The following ASAH2 variants were observed in gnomAD, a reference collection of about 807,000 sequenced individuals.
ASAH2 encodes the protein neutral ceramidase.
A neutral mutation model predicts 82.9 loss-of-function variants in ASAH2; 58 were observed. The observed-to-expected ratio is 0.70, with a 90% CI of 0.57 to 0.87. The LOEUF is 0.87. Among genes scored for constraint, ASAH2 ranks in the 40% least tolerant of loss-of-function variants. The pLI is 0.00. For missense variants in ASAH2, 779 were observed against 834.0 expected (o/e 0.93, Z 0.81); for synonymous variants, 276 against 289.7 (o/e 0.95, Z 0.48).
intron 18 of ASAH2, among the ~76,000 whole-genome samples, chr10:50,194,761 C>G (rs1844930428): frequency 6.6e-6 from 1 of 151,386 alleles, no homozygotes; most frequent in Non-Finnish European, 1.5e-5. Context: ...TAAGCCCGCA[C>G]ATTTATGATA....
At position 50,243,431 on chromosome 10, in the gene ASAH2, C is replaced by A. The variant is rs73321904; in HGVS notation, c.361-80G>T. ...ACCAGGCACAAACATACAATATAGACGACTGCAGAAAAACAAAGAAAAACA... is the reference window on the plus strand; with the variant it reads ...ACCAGGCACAAACATACAATATAGAAGACTGCAGAAAAACAAAGAAAAACA... On this transcript the variant is annotated intron_variant, in intron 3 of 20. Coordinates refer to ENST00000682911, the MANE Select transcript of ASAH2 (RefSeq NM_019893.4). The A allele has an allele frequency of 4.2e-6, 6 of 1,440,304 alleles. No homozygotes were observed. The East Asian group carries it at 9.6e-5, about 23-fold the overall frequency. The allele number at this position is 1,440,304 out of a possible 1,614,324, so 89.2% of individuals were successfully genotyped here.
At chr10:50,224,749 C>T (rs953226150) in intron 7 of ASAH2, among the ~76,000 whole-genome samples, 31 of 152,112 alleles carry the variant, frequency 2.0e-4, no homozygotes, top group Non-Finnish European at 3.2e-4. Flanking sequence ...ACCTTCACAC[C>T]CTCGTTTTCA....
At chr10:50,206,199 A>C in intron 12 of ASAH2, 102 bp from the exon 13 acceptor site, 1 of 899,640 alleles carries the variant, frequency 1.1e-6, no homozygotes. Flanking sequence ...GGAGTTTCAG[A>C]GATTTTATTG....
chr10:50,221,504 C>A (rs1266811888), intron 7 of ASAH2, among the ~76,000 whole-genome samples: 5 of 152,140 alleles, frequency 3.3e-5, no homozygotes, highest in African/African-American at 1.2e-4. Context: ...CACAGGGAAC[C>A]CTTTGAGTCA....
At chr10:50,246,730 A>G (rs912478531) in intron 2 of ASAH2, among the ~76,000 whole-genome samples, 2 of 152,184 alleles carry the variant, frequency 1.3e-5, no homozygotes, top group African/African-American at 4.8e-5. Flanking sequence ...ACCAAATTCT[A>G]GGTGGAGTTA....
At chr10:50,224,639 C>T (rs1845834693) in intron 7 of ASAH2, among the ~76,000 whole-genome samples, 1 of 152,162 alleles carries the variant, frequency 6.6e-6, no homozygotes, top group Non-Finnish European at 1.5e-5. Flanking sequence ...AGAAGGACTA[C>T]CCAATCTTCA....
In ASAH2 at chr10:50,214,743, C is replaced by A; in HGVS notation, c.1140G>T (p.Gly380=). 6.2e-7 allele frequency: 1 copy of A among 1,613,594 alleles called. No homozygotes were observed. Among genetic ancestry groups the A allele is most frequent in the Non-Finnish European group, 8.5e-7 (1 of 1,179,636 alleles). ...GATTTCATGTGTCATAATTACCTAC[C>A]CCACCAATGGGACAAGTGCTATTGG... ...DNANSTCPIG[G]PSMCIAKGPG... The change falls in exon 9 of 21, where the codon GGG becomes GGT. Residue 380 remains glycine, a splice_region_variant and synonymous_variant. Coordinates refer to ENST00000682911, the MANE Select transcript of ASAH2 (RefSeq NM_019893.4).
chr10:50,245,560 T>C, intron 2 of ASAH2, 106 bp from the exon 3 acceptor site: 3 of 955,510 alleles, frequency 3.1e-6, no homozygotes, highest in Non-Finnish European at 4.6e-6. Flanking sequence ...AAACTCTTTA[T>C]ATATTTTCTT....
At chr10:50,221,168 G>C (rs1171997767) in intron 7 of ASAH2, among the ~76,000 whole-genome samples, 1 of 152,086 alleles carries the variant, frequency 6.6e-6, no homozygotes, top group African/African-American at 2.4e-5. Flanking sequence ...TTACATTTAG[G>C]AATATTCTTC....
chr10:50,206,976 C>G (rs1022272205), intron 12 of ASAH2, among the ~76,000 whole-genome samples: 1 of 151,646 alleles, frequency 6.6e-6, no homozygotes, highest in South Asian at 2.1e-4. Context: ...AGAAATAATA[C>G]AAAATATGTT....
chr10:50,225,273 G>A (rs1202153529), intron 7 of ASAH2, among the ~76,000 whole-genome samples: 8 of 151,974 alleles, frequency 5.3e-5, no homozygotes, highest in Non-Finnish European at 8.8e-5. Context: ...AAAATTAGCC[G>A]GGAATGACAG....
At chr10:50,205,053 A>G in intron 13 of ASAH2, 98 bp from the exon 14 acceptor site, 1 of 778,198 alleles carries the variant, frequency 1.3e-6, no homozygotes, top group Non-Finnish European at 2.1e-6. Flanking sequence ...TTTCTAATTT[A>G]TGATGTAGTA....
At chr10:50,235,764 T>C in intron 5 of ASAH2, 124 bp downstream of exon 5, 1 of 1,032,140 alleles carries the variant, frequency 9.7e-7, no homozygotes, top group Non-Finnish European at 1.5e-6. Context: ...GGAGAAAGAA[T>C]TGTACATGCT....
At chr10:50,198,720 G>C (rs1420360750) in intron 17 of ASAH2, among the ~76,000 whole-genome samples, 2 of 151,928 alleles carry the variant, frequency 1.3e-5, no homozygotes, top group African/African-American at 4.8e-5. Flanking sequence ...AAGCCTATGT[G>C]CTCCTCTGAA....
chr10:50,251,120 T>C (rs1328270213), intron 1 of ASAH2, among the ~76,000 whole-genome samples: 1 of 152,186 alleles, frequency 6.6e-6, no homozygotes. Flanking sequence ...TCTTAAAGGA[T>C]TCTAGATTTT....
In ASAH2 at chr10:50,218,595, C is replaced by T; in HGVS notation, c.929G>A (p.Ser310Asn). The part of the protein sequence containing the change: ...FAIHPVSMNN[S>N]NHLVNSDNVG... ...ATTGTCACTGTTTACAAGATGGTTA[C>T]TGTTGTTCATGCTGACCGGGTGGAT... The change falls in exon 8 of 21, where the codon AGT (serine) becomes AAT (asparagine). Residue 310 changes from serine to asparagine, a missense_variant. Physicochemically the swap from Ser to Asn is conservative, Grantham distance 46. Coordinates refer to ENST00000682911, the MANE Select transcript of ASAH2 (RefSeq NM_019893.4). The T allele has an allele frequency of 6.2e-7, 1 of 1,613,778 alleles. No individual in the cohort carries two copies. Among genetic ancestry groups the T allele is most frequent in the Non-Finnish European group, 8.5e-7 (1 of 1,179,758 alleles).
At chr10:50,226,423 G>T (rs979630837) in intron 7 of ASAH2, among the ~76,000 whole-genome samples, 17 of 152,120 alleles carry the variant, frequency 1.1e-4, no homozygotes, top group African/African-American at 3.4e-4. Flanking sequence ...ATCTCCACAC[G>T]ATTTTTTGAC....
intron 8 of ASAH2, among the ~76,000 whole-genome samples, chr10:50,217,532 G>A (rs2842114): frequency 7.2e-5 from 11 of 151,904 alleles, no homozygotes; most frequent in African/African-American, 2.4e-4. Flanking sequence ...CGGCCTCCTC[G>A]TCTGTTTTCT....
intron 18 of ASAH2, among the ~76,000 whole-genome samples, chr10:50,193,141 G>A (rs1406823013): frequency 7.4e-6 from 1 of 135,434 alleles, no homozygotes; most frequent in Non-Finnish European, 1.6e-5. Flanking sequence ...GGCAGGATGT[G>A]TATTTATCCT....
Sources: allele counts gnomAD v4.1 joint callset (sites outside exome capture counted in the v4.1 genomes callset), GRCh38; gene constraint gnomAD v4.1.1; transcripts MANE v1.5; gene names NCBI Gene and HGNC (gene_info 2026-07-23, HGNC 2026-07-21).